EEIG2: variants seen among roughly 807,000 people sequenced by gnomAD.
EEIG2 encodes family with sequence similarity 102 member B.
the EEIG2 span, among the ~76,000 whole-genome samples, chr1:108,573,859 CAAAAACA>C: frequency 2.0e-5 from 3 of 151,920 alleles, no homozygotes; most frequent in East Asian, 1.9e-4. Flanking sequence ...TGGCAACTAT[CAAAAACA>C]AAAAACAAAA....
At chr1:108,569,309 A>G in the EEIG2 span, among the ~76,000 whole-genome samples, 1 of 152,238 alleles carries the variant, frequency 6.6e-6, no homozygotes. Flanking sequence ...AGGATGGGTC[A>G]TCTAGATGAT....
chr1:108,584,180 G>A, the EEIG2 span, among the ~76,000 whole-genome samples: 1 of 152,044 alleles, frequency 6.6e-6, no homozygotes, highest in Non-Finnish European at 1.5e-5. Flanking sequence ...GGGTAAAAGA[G>A]ACAAGAATAA....
the EEIG2 span, chr1:108,624,611 C>G: frequency 4.5e-4 from 709 of 1,593,154 alleles, 5 homozygotes; most frequent in South Asian, 7.4e-3. Context: ...TTGAGGCTCC[C>G]CCACAACTCC....
At chr1:108,605,690 T>TA in the EEIG2 span, among the ~76,000 whole-genome samples, 1 of 152,242 alleles carries the variant, frequency 6.6e-6, no homozygotes, top group African/African-American at 2.4e-5. Flanking sequence ...TATTTTAAGT[T>TA]AAAAAAAGAC....
the EEIG2 span, among the ~76,000 whole-genome samples, chr1:108,620,831 A>C: frequency 6.6e-6 from 1 of 152,312 alleles, no homozygotes; most frequent in South Asian, 2.1e-4. Context: ...ACAAGCTAGA[A>C]AAGACCAGCC....
At chr1:108,603,883 A>G in the EEIG2 span, among the ~76,000 whole-genome samples, 1 of 152,264 alleles carries the variant, frequency 6.6e-6, no homozygotes, top group African/African-American at 2.4e-5. Flanking sequence ...CAGGTTTACC[A>G]TAACTGAAGA....
the EEIG2 span, among the ~76,000 whole-genome samples, chr1:108,577,785 C>G: frequency 7.1e-6 from 1 of 140,364 alleles, no homozygotes; most frequent in African/African-American, 2.6e-5. Flanking sequence ...GATGCGGGCT[C>G]TTTTTTGGTT....
At chr1:108,579,738 GGT>G in the EEIG2 span, among the ~76,000 whole-genome samples, 133 of 108,028 alleles carry the variant, frequency 1.2e-3, 1 homozygote, top group African/African-American at 4.6e-3. Flanking sequence ...TTGTTTTTTT[GGT>G]GTGTGTGTGT....
chr1:108,578,605 T>C, the EEIG2 span, among the ~76,000 whole-genome samples: 10 of 151,648 alleles, frequency 6.6e-5, no homozygotes, highest in Non-Finnish European at 1.3e-4. Context: ...ATTACATTTA[T>C]TGATTTGCGT....
At chr1:108,633,350 G>C in the EEIG2 span, among the ~76,000 whole-genome samples, 1 of 152,172 alleles carries the variant, frequency 6.6e-6, no homozygotes, top group Non-Finnish European at 1.5e-5. Flanking sequence ...GCGCAGTGAT[G>C]TGATCACAGC....
the EEIG2 span, among the ~76,000 whole-genome samples, chr1:108,592,935 G>T: frequency 6.6e-6 from 1 of 152,096 alleles, no homozygotes; most frequent in African/African-American, 2.4e-5. Flanking sequence ...GGGTGGGCGG[G>T]TCACTTGAGT....
chr1:108,625,074 C>T, the EEIG2 span: 6 of 208,174 alleles, frequency 2.9e-5, no homozygotes, highest in East Asian at 2.3e-4. Context: ...TCTCGGGTGT[C>T]GCTCCTCTTC....
the EEIG2 span, among the ~76,000 whole-genome samples, chr1:108,607,390 T>A: frequency 1.3e-5 from 2 of 152,220 alleles, no homozygotes; most frequent in Non-Finnish European, 2.9e-5. Flanking sequence ...CTAGATTATA[T>A]GCCCACCGTA....
the EEIG2 span, among the ~76,000 whole-genome samples, chr1:108,614,151 C>A: frequency 1.4e-5 from 2 of 141,216 alleles, no homozygotes; most frequent in Non-Finnish European, 3.0e-5. Context: ...TTCATGGGTC[C>A]ATAAGGGCAG....
the EEIG2 span, among the ~76,000 whole-genome samples, chr1:108,564,405 G>A: frequency 2.8e-3 from 422 of 152,334 alleles, 2 homozygotes; most frequent in African/African-American, 9.7e-3. Context: ...CGCCACCACA[G>A]AAGTAAAGAA....
chr1:108,608,475 G>C, the EEIG2 span, among the ~76,000 whole-genome samples: 1 of 152,208 alleles, frequency 6.6e-6, no homozygotes, highest in Admixed American at 6.5e-5. Flanking sequence ...TACAGCTAGT[G>C]TTTATGTATA....
the EEIG2 span, among the ~76,000 whole-genome samples, chr1:108,579,766 T>TGAGAGAGA: frequency 7.4e-4 from 11 of 14,784 alleles, no homozygotes; most frequent in Non-Finnish European, 1.4e-3. Context: ...TGTGTGTGTG[T>TGAGAGAGA]GTGTGTGAGA....
At chr1:108,582,196 G>A in the EEIG2 span, among the ~76,000 whole-genome samples, 2 of 152,152 alleles carry the variant, frequency 1.3e-5, no homozygotes, top group Admixed American at 1.3e-4. Context: ...CTAAAATATA[G>A]TGTAGACATA....
the EEIG2 span, among the ~76,000 whole-genome samples, chr1:108,620,085 G>T: frequency 6.6e-6 from 1 of 152,174 alleles, no homozygotes; most frequent in Non-Finnish European, 1.5e-5. Flanking sequence ...ATGAGGAAAC[G>T]GAGTAACAGA....
Sources: gnomAD v4.1 joint callset for allele counts (sites outside exome capture counted in the v4.1 genomes callset) on GRCh38, gnomAD v4.1.1 for gene constraint, MANE v1.5 for transcripts, NCBI Gene and HGNC (gene_info 2026-07-23, HGNC 2026-07-21) for gene names.